TRPC4AP: variants seen among roughly 807,000 people sequenced by gnomAD.
TRPC4AP encodes the protein short transient receptor potential channel 4-associated protein.
Under a neutral mutation model 99.0 loss-of-function variants are expected in TRPC4AP, and 45 were observed. The ratio of observed to expected loss-of-function variants is 0.45; its 90% confidence interval spans 0.36 to 0.58. The LOEUF (loss-of-function observed/expected upper bound fraction) is 0.58, where lower values mean the gene tolerates loss of function less well. TRPC4AP is among the 20% of genes least tolerant of loss of function. The pLI, the probability that TRPC4AP is intolerant of heterozygous loss-of-function variation, is 0.00. For missense variants in TRPC4AP, 879 were observed against 985.3 expected, an observed-to-expected ratio of 0.89 and a Z score of 1.44; for synonymous variants, 408 against 385.8, an observed-to-expected ratio of 1.06 and a Z score of -0.67.
rs1007862947 is a variant in TRPC4AP, at chr20:35,011,189, G to A, written c.1410-901C>T. ...GTAGAATTGCTTGAACCCAGAAGGT[G>A]GAGGTTGCAGTGAGCCAAGATCATG... On this transcript the variant is annotated intron_variant, in intron 11 of 18. Coordinates refer to ENST00000252015, the MANE Select transcript of TRPC4AP (RefSeq NM_015638.3). Among the ~76,000 whole-genome samples, 3 of 152,136 alleles carry A rather than the reference G, an allele frequency of 2.0e-5. No homozygotes were observed. The East Asian group carries it at 5.8e-4, about 29-fold the overall frequency.
chr20:35,033,135 A>C (rs1289926400), intron 8 of TRPC4AP, among the ~76,000 whole-genome samples: 1 of 152,162 alleles, frequency 6.6e-6, no homozygotes, highest in Admixed American at 6.5e-5. Flanking sequence ...CAGAGGTTGC[A>C]GTGAGCCGAG....
intron 1 of TRPC4AP, among the ~76,000 whole-genome samples, chr20:35,080,153 C>G (rs1377204464): frequency 6.6e-6 from 1 of 151,638 alleles, no homozygotes; most frequent in Non-Finnish European, 1.5e-5. Flanking sequence ...TGTACTGATA[C>G]TACAACAAGG....
In TRPC4AP at chr20:35,016,040, G is replaced by T; in HGVS notation, c.1318C>A (p.His440Asn). 6.2e-7 allele frequency: 1 copy of T among 1,614,178 alleles called. No homozygotes were observed. The highest frequency in any genetic ancestry group is 1.1e-5 in the South Asian group (1 of 91,074). Residue 440 changes from histidine (H) to asparagine (N), a missense_variant, in exon 10 of 19, where the codon CAT becomes AAT. Physicochemically the swap from His to Asn is moderately conservative, Grantham distance 68 (BLOSUM62 1). Transcript: ENST00000252015. ...CAGTCACAGTTCTGGTTGTGACCAT[G>T]GAGGACAAGGGCAGATGCTGAATGC... is the stretch of plus-strand genomic sequence containing the variant. ...RKHSASALVL[H>N]GHNQNCDCSP...
chr20:35,023,961 C>G (rs148043882), intron 8 of TRPC4AP, among the ~76,000 whole-genome samples: 12 of 152,328 alleles, frequency 7.9e-5, no homozygotes, highest in African/African-American at 2.9e-4. Flanking sequence ...GAAACAGTCT[C>G]CAAAGCAATG....
intron 12 of TRPC4AP, among the ~76,000 whole-genome samples, chr20:35,009,580 T>C (rs1455985834): frequency 2.6e-5 from 4 of 152,302 alleles, no homozygotes; most frequent in Middle Eastern, 3.4e-3. Context: ...CAGAAGTTTG[T>C]GGCTGCAGTG....
chr20:35,065,316 C>G (rs1460948736), intron 3 of TRPC4AP, among the ~76,000 whole-genome samples: 1 of 152,164 alleles, frequency 6.6e-6, no homozygotes, highest in African/African-American at 2.4e-5. Context: ...CTCTCTAGCC[C>G]AAAACATTCC....
chr20:35,082,074 T>C (rs2084661701), intron 1 of TRPC4AP, among the ~76,000 whole-genome samples: 2 of 152,160 alleles, frequency 1.3e-5, no homozygotes, highest in Admixed American at 6.6e-5. Flanking sequence ...AACTGGATAA[T>C]GTTAATGATC....
chr20:35,040,124 C>T (rs1172897252), intron 7 of TRPC4AP, among the ~76,000 whole-genome samples: 3 of 151,936 alleles, frequency 2.0e-5, no homozygotes, highest in East Asian at 1.9e-4. Flanking sequence ...AGCTCTAGCC[C>T]TAAATATGAC....
At chr20:35,035,003 T>C (rs975750378) in intron 8 of TRPC4AP, 120 bp downstream of exon 8, 1 of 1,099,948 alleles carries the variant, frequency 9.1e-7, no homozygotes, top group African/African-American at 1.6e-5. Context: ...TAGAATTGCC[T>C]TGAGGACAAT....
At chr20:35,003,824 G>A (rs2295700) in intron 17 of TRPC4AP, among the ~76,000 whole-genome samples, 12,468 of 152,096 alleles carry the variant, frequency 0.082, 596 homozygotes, top group South Asian at 0.13. Flanking sequence ...TCTTCCCCAC[G>A]CCCACCTCCC....
At chr20:35,076,950 A>T (rs1211425060) in intron 2 of TRPC4AP, among the ~76,000 whole-genome samples, 1 of 152,158 alleles carries the variant, frequency 6.6e-6, no homozygotes, top group East Asian at 1.9e-4. Flanking sequence ...TACCTACGCA[A>T]GTCTCAGCAG....
At chr20:35,022,440 G>A (rs1290040040) in intron 8 of TRPC4AP, among the ~76,000 whole-genome samples, 3 of 152,232 alleles carry the variant, frequency 2.0e-5, no homozygotes, top group African/African-American at 7.2e-5. Context: ...ACAGGCGTGA[G>A]CCACGGTGCC....
chr20:35,043,516 G>A (rs764814328), intron 7 of TRPC4AP, among the ~76,000 whole-genome samples: 4 of 152,002 alleles, frequency 2.6e-5, no homozygotes, highest in Non-Finnish European at 2.9e-5. Context: ...CAAAGTGCTG[G>A]GATTACAGGC....
chr20:35,049,179 C>A (rs1384801321), intron 6 of TRPC4AP, among the ~76,000 whole-genome samples: 1 of 151,864 alleles, frequency 6.6e-6, no homozygotes, highest in Non-Finnish European at 1.5e-5. Flanking sequence ...AAGTCTCTAA[C>A]AGAGATCTAT....
intron 1 of TRPC4AP, among the ~76,000 whole-genome samples, chr20:35,082,298 G>A (rs990027454): frequency 1.3e-5 from 2 of 152,034 alleles, no homozygotes; most frequent in Non-Finnish European, 2.9e-5. Flanking sequence ...TCTAGTAAAT[G>A]CACTCTACAT....
At chr20:35,009,432 A>G (rs2082584206) in intron 12 of TRPC4AP, among the ~76,000 whole-genome samples, 1 of 152,184 alleles carries the variant, frequency 6.6e-6, no homozygotes, top group African/African-American at 2.4e-5. Context: ...ACTTGAGGCC[A>G]GGAGTTCGAG....
intron 1 of TRPC4AP, among the ~76,000 whole-genome samples, chr20:35,088,639 T>C (rs890739346): frequency 8.5e-5 from 13 of 152,220 alleles, no homozygotes; most frequent in African/African-American, 2.9e-4. Context: ...ATGGGATAGA[T>C]GTTATCATCA....
At chr20:35,090,040 A>G (rs1209858168) in intron 1 of TRPC4AP, among the ~76,000 whole-genome samples, 3 of 150,606 alleles carry the variant, frequency 2.0e-5, no homozygotes, top group Non-Finnish European at 3.0e-5. Context: ...GGATCACTTG[A>G]GCCCAGGAAG....
At chr20:35,075,256 C>G (rs1201320097) in intron 2 of TRPC4AP, among the ~76,000 whole-genome samples, 6 of 152,166 alleles carry the variant, frequency 3.9e-5, no homozygotes, top group African/African-American at 1.4e-4. Context: ...AGCCCATTTA[C>G]ATTTAAGGTT....
Sources: gnomAD v4.1 joint callset for allele counts (sites outside exome capture counted in the v4.1 genomes callset) on GRCh38, gnomAD v4.1.1 for gene constraint, MANE v1.5 for transcripts, NCBI Gene and HGNC (gene_info 2026-07-23, HGNC 2026-07-21) for gene names.